Variants in TNFRSF8 observed in about 807,000 individuals in gnomAD.
The protein encoded by TNFRSF8 is tumor necrosis factor receptor superfamily member 8.
Under a neutral mutation model 70.8 loss-of-function variants are expected in TNFRSF8, and 26 were observed. The observed-to-expected ratio is 0.37, with a 90% CI of 0.27 to 0.51. The LOEUF (loss-of-function observed/expected upper bound fraction) is 0.51, where lower values mean the gene tolerates loss of function less well. Ranked by LOEUF, TNFRSF8 falls within the 20% of genes least tolerant of loss-of-function variation. The pLI, the probability that TNFRSF8 is intolerant of heterozygous loss-of-function variation, is 0.94. For synonymous variants in TNFRSF8, 356 were observed against 339.2 expected (o/e 1.05, Z -0.54); for missense variants, 720 against 807.9 (o/e 0.89, Z 1.32).
intron 1 of TNFRSF8, among the ~76,000 whole-genome samples, chr1:12,078,543 G>A (rs1169430061): frequency 6.6e-6 from 1 of 152,128 alleles, no homozygotes; most frequent in Admixed American, 6.5e-5. Context: ...CAGCTTGGGC[G>A]ACGGAGCGAG....
rs33914244 is a variant in TNFRSF8 at position 12,135,315 on chromosome 1, CA to C, written c.1310-255del. The stretch of plus-strand genomic sequence containing the variant: ...TGGGTGACAGAGTGAGACTCCATCT[CA>C]AAAAAAAAAAAAAAAAAGGAATGAG... On this transcript the variant is annotated intron_variant, in intron 12 of 14. Transcript: ENST00000263932. Among the ~76,000 whole-genome samples the C allele has an allele frequency of 2.6e-3, 241 of 93,586 alleles. 2 individuals carry two copies. The highest frequency in any genetic ancestry group is 0.013 in the Middle Eastern group (2 of 158). The allele number at this position is 93,586 out of a possible 152,430, so 61.4% of individuals were successfully genotyped here. A position where few individuals can be genotyped will look rare whatever the true frequency, so the allele number is the denominator to read the frequency against.
At position 12,113,484 on chromosome 1, in the gene TNFRSF8, T is replaced by TGAGA. The variant is rs151145115; in HGVS notation, c.793+1479_793+1482dup. Among the ~76,000 whole-genome samples the TGAGA allele has an allele frequency of 2.4e-3, 363 of 151,594 alleles. 2 individuals carry two copies. Among genetic ancestry groups the TGAGA allele is most frequent in the African/African-American group, 8.6e-3 (353 of 41,190 alleles). On this transcript the variant is annotated intron_variant, in intron 7 of 14. Transcript: ENST00000263932. This position sits in a 1 kb window ranked among gnomAD's most constrained non-coding sequence, Gnocchi z 4.9. ...CCATTGCCCCCGGCCATAAAAGTCT[T>TGAGA]GAGAGAGAGAGACAGACAGAAAGAG...
At position 12,109,569 on chromosome 1, in the gene TNFRSF8, C is replaced by T. The variant is rs915899765; in HGVS notation, c.425C>T (p.Thr142Met). The T allele has an allele frequency of 3.7e-6, 6 of 1,613,232 alleles. No homozygotes were observed. Among genetic ancestry groups the T allele is most frequent in the Admixed American group, 1.7e-5 (1 of 59,992 alleles). Residue 142 changes from threonine (T) to methionine (M), a missense_variant, in exon 5 of 15, where the codon ACG (threonine) becomes ATG (methionine). Coordinates refer to ENST00000263932, the MANE Select transcript of TNFRSF8 (RefSeq NM_001243.5). The surrounding 1 kb of genome is among the most constrained non-coding windows in gnomAD (Gnocchi z 4.4). ...GGCACTGCTGTCCCCCCTGCAGGCA[C>T]GGCGCAGAAGAACACGGTCTGTGAG... ...PAGMIVKFPG[T>M]AQKNTVCEPA...
At chr1:12,076,014 C>T (rs1449283138) in intron 1 of TNFRSF8, among the ~76,000 whole-genome samples, 1 of 149,910 alleles carries the variant, frequency 6.7e-6, no homozygotes, top group East Asian at 1.9e-4. Context: ...ATCCCAGAAC[C>T]CTTAAATACC....
rs1641470745 is a variant in TNFRSF8, at chr1:12,104,007, A to G, written c.269-372A>G. Among the ~76,000 whole-genome samples the G allele has an allele frequency of 3.3e-5, 5 of 152,050 alleles. No individual in the cohort carries two copies. The South Asian group carries it at 1.0e-3, about 32-fold the overall frequency. On this transcript the variant is annotated intron_variant, in intron 3 of 14. Transcript: ENST00000263932. ...TTTTCACTGCCCTAAATGTGTCCTG[A>G]GCTCGTTGGTTCACCTCTCCCTCCC...
chr1:12,075,954 A>G, intron 1 of TNFRSF8, among the ~76,000 whole-genome samples: 1 of 152,182 alleles, frequency 6.6e-6, no homozygotes, highest in Non-Finnish European at 1.5e-5. Flanking sequence ...CCCAGCATAC[A>G]GTAAAACTCT....
Position 12,142,347 on chromosome 1 carries a change from C to A in TNFRSF8, c.1604C>A (p.Pro535Gln), listed in dbSNP as rs201106415. 3.7e-6 allele frequency: 6 copies of A among 1,607,056 alleles called. No individual in the cohort carries two copies. In the East Asian group the frequency reaches 6.7e-5, roughly 18 times the overall value. Reference protein sequence around the residue: ...VIVGTVKAELPEGRGLAGPAE... With the variant: ...VIVGTVKAELQEGRGLAGPAE... The stretch of plus-strand genomic sequence containing the variant: ...GTGGGGACCGTGAAGGCTGAGCTGC[C>A]GGAGGGCCGGGGCCTGGCGGGGCCA... Residue 535 changes from proline (P) to glutamine (Q), a missense_variant, in exon 15 of 15, where the codon CCG becomes CAG. Transcript: ENST00000263932. The surrounding 1 kb of genome is among the most constrained non-coding windows in gnomAD (Gnocchi z 5.0).
At chr1:12,093,913 TACAA>T (rs1408175348) in intron 2 of TNFRSF8, among the ~76,000 whole-genome samples, 1 of 151,854 alleles carries the variant, frequency 6.6e-6, no homozygotes, top group Non-Finnish European at 1.5e-5. Flanking sequence ...CTACTAAAAA[TACAA>T]ACAATTAACC....
chr1:12,123,655 C>T, intron 9 of TNFRSF8, 60 bp from the exon 10 acceptor site: 2 of 1,405,824 alleles, frequency 1.4e-6, no homozygotes, highest in Non-Finnish European at 2.0e-6. Flanking sequence ...GGAATTATTC[C>T]TGAAGACCCA....
chr1:12,097,752 G>T (rs1481730128), intron 3 of TNFRSF8, among the ~76,000 whole-genome samples: 2 of 151,904 alleles, frequency 1.3e-5, no homozygotes, highest in Non-Finnish European at 2.9e-5. Context: ...TTTTTTTGGG[G>T]GGTAGGGTGG....
At position 12,138,097 on chromosome 1, in the gene TNFRSF8, A is replaced by C. The variant is rs1452369269; in HGVS notation, c.1336-132A>C. 3 of 888,346 alleles carry C rather than the reference A, an allele frequency of 3.4e-6. No individual in the cohort carries two copies. In the South Asian group the frequency reaches 5.4e-5, roughly 16 times the overall value. 55.0% of individuals were successfully genotyped at this position (888,346 alleles called of 1,614,324 possible). ...AAAGCTGAGAAGCCCGGGGCAGCTC[A>C]TGGCAGCTTTTAAAGCAGAAAGGGG... On this transcript the variant is annotated intron_variant, in intron 13 of 14. Coordinates refer to ENST00000263932, the MANE Select transcript of TNFRSF8 (RefSeq NM_001243.5). This position sits in a 1 kb window ranked among gnomAD's most constrained non-coding sequence, Gnocchi z 5.7.
intron 13 of TNFRSF8, among the ~76,000 whole-genome samples, chr1:12,137,863 C>T (rs1642176414): frequency 6.6e-6 from 1 of 151,916 alleles, no homozygotes; most frequent in South Asian, 2.1e-4. Flanking sequence ...ATGGTATAAC[C>T]CTGGGCCAAT....
At chr1:12,066,840 A>G (rs1338984718) in intron 1 of TNFRSF8, among the ~76,000 whole-genome samples, 1 of 150,032 alleles carries the variant, frequency 6.7e-6, no homozygotes, top group Non-Finnish European at 1.5e-5. Context: ...TTTAGTAGAG[A>G]TGGGGTTTCG....
chr1:12,065,454 G>A (rs901396795), intron 1 of TNFRSF8, among the ~76,000 whole-genome samples: 11 of 152,080 alleles, frequency 7.2e-5, no homozygotes, highest in Non-Finnish European at 1.5e-5. Flanking sequence ...TATTCTCAAA[G>A]CAAAACTGTA....
chr1:12,134,418 C>A (rs1642108381), intron 12 of TNFRSF8, among the ~76,000 whole-genome samples: 1 of 152,188 alleles, frequency 6.6e-6, no homozygotes, highest in South Asian at 2.1e-4. Flanking sequence ...GCCCTCTCAC[C>A]TTTCTCAGAT....
In TNFRSF8 at chr1:12,108,903, G is replaced by C. The variant is rs11569867; in HGVS notation, c.422-663G>C. Reference sequence around the variant, plus strand: ...CTGAGGGGCACTGGCTAGACGATGTGTGTGTTTTCTTCTCCACTCTGCTTC... The same window carrying C: ...CTGAGGGGCACTGGCTAGACGATGTCTGTGTTTTCTTCTCCACTCTGCTTC... On this transcript the variant is annotated intron_variant, in intron 4 of 14. Coordinates refer to ENST00000263932, the MANE Select transcript of TNFRSF8 (RefSeq NM_001243.5). This position sits in a 1 kb window ranked among gnomAD's most constrained non-coding sequence, Gnocchi z 4.0. Among the ~76,000 whole-genome samples the C allele has an allele frequency of 4.8e-3, 727 of 152,308 alleles. 8 individuals are homozygous for C. The highest frequency in any genetic ancestry group is 0.012 in the South Asian group (57 of 4,822).
At position 12,139,694 on chromosome 1, in the gene TNFRSF8, T is replaced by C. The variant is rs72863437; in HGVS notation, c.1543+1258T>C. Reference sequence around the variant, plus strand: ...TTTGTAATTGTCCTGTGCATTTCTATGGCAGACAGTGGTGGCCAGAACTCT... The same window carrying C: ...TTTGTAATTGTCCTGTGCATTTCTACGGCAGACAGTGGTGGCCAGAACTCT... On this transcript the variant is annotated intron_variant, in intron 14 of 14. Coordinates refer to ENST00000263932, the MANE Select transcript of TNFRSF8 (RefSeq NM_001243.5). 5.6e-3 allele frequency among the ~76,000 whole-genome samples: 848 copies of C among 152,388 alleles called. 3 individuals carry two copies. The highest frequency in any genetic ancestry group is 0.019 in the African/African-American group (799 of 41,598).
chr1:12,120,668 T>C (rs948735150), intron 8 of TNFRSF8, among the ~76,000 whole-genome samples: 12 of 152,154 alleles, frequency 7.9e-5, no homozygotes, highest in African/African-American at 2.9e-4. Flanking sequence ...TAATATTTTT[T>C]TTAGTTCTTA....
At chr1:12,139,406 C>A (rs926553354) in intron 14 of TNFRSF8, among the ~76,000 whole-genome samples, 1 of 152,200 alleles carries the variant, frequency 6.6e-6, no homozygotes, top group East Asian at 1.9e-4. Context: ...TGCCTTGAAT[C>A]CAGTTAATTC....
Sources: allele counts gnomAD v4.1 joint callset (sites outside exome capture counted in the v4.1 genomes callset), GRCh38; gene constraint gnomAD v4.1.1; non-coding constraint Gnocchi (gnomAD v3.1); transcripts MANE v1.5; gene names NCBI Gene and HGNC (gene_info 2026-07-23, HGNC 2026-07-21).